JAK2: variants seen among roughly 807,000 people sequenced by gnomAD.
JAK2 encodes the protein tyrosine-protein kinase JAK2.
JAK2 carries 86 observed loss-of-function variants against 139.3 expected under a neutral mutation model. The ratio of observed to expected loss-of-function variants is 0.62; its 90% CI spans 0.52 to 0.74. JAK2 has a LOEUF of 0.74. Among genes scored for constraint, JAK2 ranks in the 30% least tolerant of loss-of-function variants. The pLI is 0.00. For synonymous variants in JAK2, 490 were observed against 437.7 expected (o/e 1.12, Z -1.49); for missense variants, 1,421 against 1,360.3 (o/e 1.04, Z -0.70).
At chr9:5,111,281 C>T (rs1331947845) in intron 22 of JAK2, 2 of 482,866 alleles carry the variant, frequency 4.1e-6, no homozygotes, top group African/African-American at 1.9e-5. Context: ...CTCAGGCTGG[C>T]TTCCTGCCGG....
At chr9:5,121,581 A>G (rs1226325307) in intron 22 of JAK2, among the ~76,000 whole-genome samples, 1 of 152,168 alleles carries the variant, frequency 6.6e-6, no homozygotes, top group Admixed American at 6.5e-5. Context: ...CTGAATTCCC[A>G]AGAGATAGTT....
intron 22 of JAK2, among the ~76,000 whole-genome samples, chr9:5,115,739 G>C (rs1823101698): frequency 6.6e-6 from 1 of 152,172 alleles, no homozygotes; most frequent in Middle Eastern, 3.2e-3. Flanking sequence ...CCATAAACAA[G>C]GATGAGTTCA....
chr9:5,080,892 CTTTTTTTTTTTT>C (rs33925764), intron 18 of JAK2, among the ~76,000 whole-genome samples: 1 of 95,616 alleles, frequency 1.0e-5, no homozygotes, highest in African/African-American at 4.6e-5. Flanking sequence ...AAGACCTTTT[CTTTTTTTTTTTT>C]TTTTTTTTTG....
chr9:5,077,174 G>C (rs1386854240), intron 14 of JAK2, among the ~76,000 whole-genome samples: 1 of 150,720 alleles, frequency 6.6e-6, no homozygotes, highest in Admixed American at 6.6e-5. Context: ...CCATAATTCA[G>C]TACTAATATA....
chr9:5,105,472 G>A (rs568780135), intron 22 of JAK2, among the ~76,000 whole-genome samples: 1 of 152,298 alleles, frequency 6.6e-6, no homozygotes, highest in African/African-American at 2.4e-5. Flanking sequence ...TCAATATCGT[G>A]AAAATGGCGA....
intron 5 of JAK2, among the ~76,000 whole-genome samples, chr9:5,046,696 T>A (rs1026396183): frequency 6.6e-6 from 1 of 152,180 alleles, no homozygotes; most frequent in Admixed American, 6.5e-5. Flanking sequence ...TGAAAATCAT[T>A]TGACCACCAA....
At chr9:5,089,097 T>G (rs1820354649) in intron 19 of JAK2, among the ~76,000 whole-genome samples, 1 of 152,252 alleles carries the variant, frequency 6.6e-6, no homozygotes, top group South Asian at 2.1e-4. Context: ...TGACAATTAA[T>G]GCTCATCATT....
intron 2 of JAK2, among the ~76,000 whole-genome samples, chr9:5,012,070 C>A (rs1587824021): frequency 2.0e-5 from 3 of 152,216 alleles, no homozygotes; most frequent in African/African-American, 7.2e-5. Flanking sequence ...ATTCAGGAGT[C>A]AGGCCCCACT....
Position 5,129,602 on chromosome 9 carries a change from C to G in JAK2, c.*2811C>G, listed in dbSNP as rs145436356. On this transcript the variant is annotated 3_prime_UTR_variant, in exon 25 of 25. Coordinates refer to ENST00000381652, the MANE Select transcript of JAK2 (RefSeq NM_004972.4). ...TCAGCAGGATTATCCAAACAAAAGA[C>G]TAGGTTTTATGAGATAAGCTTGATT... Among the ~76,000 whole-genome samples, 156 of 152,028 alleles carry G rather than the reference C, an allele frequency of 1.0e-3. 1 individual carries two copies. The highest frequency in any genetic ancestry group is 3.5e-3 in the African/African-American group (146 of 41,482).
rs1820429630 is a variant in JAK2 at position 5,089,782 on chromosome 9, G to C, written c.2680G>C (p.Asp894His). ...LQHSTEEHLRDFEREIEILKS... is the reference protein window; with the variant it reads ...LQHSTEEHLRHFEREIEILKS... ...GCATAGTACTGAAGAGCACCTAAGA[G>C]ACTTTGAAAGGGAAATTGAAATCCT... Residue 894 changes from aspartate to histidine, a missense_variant, in exon 20 of 25, where the codon GAC becomes CAC. Coordinates refer to ENST00000381652, the MANE Select transcript of JAK2 (RefSeq NM_004972.4). 3 of 1,600,092 alleles carry C rather than the reference G, an allele frequency of 1.9e-6. No homozygotes were observed. Among genetic ancestry groups the C allele is most frequent in the South Asian group, 2.2e-5 (2 of 89,586 alleles).
intron 14 of JAK2, among the ~76,000 whole-genome samples, chr9:5,076,667 C>T (rs1392892024): frequency 3.9e-5 from 6 of 152,100 alleles, no homozygotes; most frequent in South Asian, 2.1e-4. Flanking sequence ...GTAATATCTT[C>T]GAGGTATGCC....
chr9:5,112,164 A>AC, intron 22 of JAK2: 1 of 276,762 alleles, frequency 3.6e-6, no homozygotes, highest in African/African-American at 2.3e-5. Context: ...ACACGCTGCT[A>AC]CCCGGCCACC....
At position 5,080,680 on chromosome 9, in the gene JAK2, C is replaced by G. The variant is rs765923672; in HGVS notation, c.2431C>G (p.Pro811Ala). Residue 811 changes from proline to alanine, a missense_variant, in exon 18 of 25, where the codon CCA (proline) becomes GCA (alanine). Transcript: ENST00000381652. ...ACGAGATCTTAACAGTTTGTTTACTCCAGGTATGTATTTGAATGATCTTAT... is the reference window on the plus strand; with the variant it reads ...ACGAGATCTTAACAGTTTGTTTACTGCAGGTATGTATTTGAATGATCTTAT... ...IIRDLNSLFT[P>A]DYELLTENDM... The G allele has an allele frequency of 6.4e-7, 1 of 1,567,238 alleles. No individual in the cohort carries two copies.
At chr9:5,082,188 C>G (rs1018011443) in intron 19 of JAK2, among the ~76,000 whole-genome samples, 2 of 152,214 alleles carry the variant, frequency 1.3e-5, no homozygotes, top group African/African-American at 2.4e-5. Flanking sequence ...CGCACCAACA[C>G]TGGTCTCTGA....
chr9:5,112,299 C>T lies in JAK2; in HGVS notation c.3060-10705C>T, dbSNP rs562131627. The T allele has an allele frequency of 2.3e-5, 6 of 266,600 alleles. No individual in the cohort carries two copies. The East Asian group carries it at 5.3e-4, about 23-fold the overall frequency. The allele number at this position is 266,600 out of a possible 1,614,324, so 16.5% of individuals were successfully genotyped here. A position where few individuals can be genotyped will look rare whatever the true frequency, so the allele number is the denominator to read the frequency against. The stretch of plus-strand genomic sequence containing the variant: ...GCCAGCCTCATGCACATCCATGTTG[C>T]CCTCTCCAGCTAGCCAGGCGCCCTC... On this transcript the variant is annotated intron_variant, in intron 22 of 24. Transcript: ENST00000381652.
At chr9:4,987,361 C>T (rs186785845) in intron 2 of JAK2, among the ~76,000 whole-genome samples, 1 of 152,186 alleles carries the variant, frequency 6.6e-6, no homozygotes, top group African/African-American at 2.4e-5. Flanking sequence ...AGGTGGGATG[C>T]TTTTGAGGCA....
chr9:5,009,014 T>C (rs1471634374), intron 2 of JAK2, among the ~76,000 whole-genome samples: 2 of 152,208 alleles, frequency 1.3e-5, no homozygotes, highest in African/African-American at 4.8e-5. Flanking sequence ...TTCAACTCTT[T>C]CACTGAATTG....
At chr9:5,071,878 C>T (rs1384309721) in intron 12 of JAK2, among the ~76,000 whole-genome samples, 3 of 152,128 alleles carry the variant, frequency 2.0e-5, no homozygotes, top group Non-Finnish European at 4.4e-5. Flanking sequence ...TCAACAATTA[C>T]TTTGTAAAGA....
intron 2 of JAK2, among the ~76,000 whole-genome samples, chr9:5,020,573 G>A (rs971047110): frequency 2.0e-5 from 3 of 152,114 alleles, no homozygotes; most frequent in Non-Finnish European, 4.4e-5. Context: ...GCTAAGGAGT[G>A]TGCACTGCAG....
Sources: gnomAD v4.1 joint callset for allele counts (sites outside exome capture counted in the v4.1 genomes callset) on GRCh38, gnomAD v4.1.1 for gene constraint, MANE v1.5 for transcripts, NCBI Gene and HGNC (gene_info 2026-07-23, HGNC 2026-07-21) for gene names.